SHISA6: variants seen among roughly 807,000 people sequenced by gnomAD.
The protein encoded by SHISA6 is shisa family member 6, also known as protein shisa-6.
Under a neutral mutation model 47.9 loss-of-function variants are expected in SHISA6, and 22 were observed. The observed-to-expected ratio is 0.46, with a 90% confidence interval of 0.33 to 0.66. The LOEUF is 0.66. Among genes scored for constraint, SHISA6 ranks in the 30% least tolerant of loss-of-function variants. The pLI is 0.02. For missense variants in SHISA6, 680 were observed against 764.6 expected, an observed-to-expected ratio of 0.89 and a Z score of 1.30; for synonymous variants, 388 against 337.8, an observed-to-expected ratio of 1.15 and a Z score of -1.63.
At chr17:11,243,472 C>T (rs933064167) in intron 1 of SHISA6, among the ~76,000 whole-genome samples, 1 of 152,118 alleles carries the variant, frequency 6.6e-6, no homozygotes, top group South Asian at 2.1e-4. Context: ...TGCCTCCACC[C>T]TGTCTTCCAC....
Position 11,561,140 on chromosome 17 carries a change from G to C in SHISA6, c.*2836G>C, listed in dbSNP as rs1164272747. 1 of 152,208 alleles carries C rather than the reference G, an allele frequency of 6.6e-6. No homozygotes were observed. Among genetic ancestry groups the C allele is most frequent in the Non-Finnish European group, 1.5e-5 (1 of 68,064 alleles). The allele number at this position is 152,208 out of a possible 1,614,324, so 9.4% of individuals were successfully genotyped here. ...GCAGATAAAAGAGGCTTCTGGGGCT[G>C]GAACCTAGATGCCATGATTTCTAGC... is the stretch of plus-strand genomic sequence containing the variant. On this transcript the variant is annotated 3_prime_UTR_variant, in exon 6 of 6. Transcript: ENST00000441885.
chr17:11,273,000 T>C (rs1246605660), intron 2 of SHISA6, among the ~76,000 whole-genome samples: 2 of 152,220 alleles, frequency 1.3e-5, no homozygotes, highest in Non-Finnish European at 2.9e-5. Flanking sequence ...GAGAGAGTGA[T>C]ACGGCTCCCA....
At chr17:11,422,763 CA>C (rs36035486) in intron 3 of SHISA6, among the ~76,000 whole-genome samples, 88,120 of 125,274 alleles carry the variant, frequency 0.7, 29,519 homozygotes, top group African/African-American at 0.78. Context: ...GACTCTGTCT[CA>C]AAAAAAAAAA....
intron 2 of SHISA6, among the ~76,000 whole-genome samples, chr17:11,316,349 A>G (rs1049866585): frequency 2.2e-5 from 1 of 44,640 alleles, no homozygotes; most frequent in African/African-American, 8.7e-5. Context: ...TTTTTTTTGT[A>G]TTCAATGGGA....
At position 11,541,507 on chromosome 17, in the gene SHISA6, A is replaced by G. The variant is rs116582096; in HGVS notation, c.896-10389A>G. Among the ~76,000 whole-genome samples, 729 of 152,322 alleles carry G rather than the reference A, an allele frequency of 4.8e-3. 3 individuals carry two copies. Among genetic ancestry groups the G allele is most frequent in the African/African-American group, 0.015 (616 of 41,572 alleles). On this transcript the variant is annotated intron_variant, in intron 3 of 5. Transcript: ENST00000441885. ...CTTTTTTCATTTCTGAAAATGTGTC[A>G]GTCTGGTACAACAAATAACTCCCTT...
At chr17:11,343,113 C>A (rs765609013) in intron 2 of SHISA6, among the ~76,000 whole-genome samples, 1 of 152,112 alleles carries the variant, frequency 6.6e-6, no homozygotes, top group Non-Finnish European at 1.5e-5. Context: ...CTTCTTTCCC[C>A]CTATAAGTTA....
chr17:11,246,229 G>A (rs1013457447), intron 1 of SHISA6, among the ~76,000 whole-genome samples: 3 of 152,232 alleles, frequency 2.0e-5, no homozygotes, highest in East Asian at 3.9e-4. Flanking sequence ...GGTGGCTCAC[G>A]CCTGTAATCC....
chr17:11,258,173 T>A (rs191031631), intron 1 of SHISA6, among the ~76,000 whole-genome samples: 52 of 152,304 alleles, frequency 3.4e-4, no homozygotes, highest in African/African-American at 1.2e-3. Context: ...ACAGCATCAT[T>A]TTCTTCCTAC....
Position 11,401,498 on chromosome 17 carries a change from C to T in SHISA6, c.895+21989C>T, listed in dbSNP as rs557347512. On this transcript the variant is annotated intron_variant, in intron 3 of 5. Transcript: ENST00000441885. ...ATAGGCATGAGCCACCAGCCTCAGACATGTATATATTTAACTCTGATTTTA... is the reference window on the plus strand; with the variant it reads ...ATAGGCATGAGCCACCAGCCTCAGATATGTATATATTTAACTCTGATTTTA... 3.9e-5 allele frequency among the ~76,000 whole-genome samples: 6 copies of T among 152,294 alleles called. No homozygotes were observed. The East Asian group carries it at 9.6e-4, about 24-fold the overall frequency.
At chr17:11,270,330 A>T (rs1370763974) in intron 2 of SHISA6, among the ~76,000 whole-genome samples, 1 of 152,250 alleles carries the variant, frequency 6.6e-6, no homozygotes. Flanking sequence ...CAAGTAGTGG[A>T]CAGCACAGGT....
chr17:11,376,097 G>T (rs1912788150), intron 2 of SHISA6, among the ~76,000 whole-genome samples: 1 of 152,136 alleles, frequency 6.6e-6, no homozygotes, highest in South Asian at 2.1e-4. Context: ...GTCAAAGTTT[G>T]CCCTCTTTTG....
chr17:11,470,633 T>C (rs1420981383), intron 3 of SHISA6, among the ~76,000 whole-genome samples: 1 of 134,602 alleles, frequency 7.4e-6, no homozygotes, highest in Non-Finnish European at 1.5e-5. Context: ...GAAACAAGAT[T>C]AAAAGGGACA....
chr17:11,554,570 G>A (rs564286733), intron 4 of SHISA6, among the ~76,000 whole-genome samples: 3 of 152,274 alleles, frequency 2.0e-5, no homozygotes, highest in South Asian at 2.1e-4. Flanking sequence ...ACATTCGACC[G>A]AAGTTAGAGC....
chr17:11,281,312 T>C lies in SHISA6; in HGVS notation c.799+17786T>C, dbSNP rs575999243. Among the ~76,000 whole-genome samples, 17 of 152,276 alleles carry C rather than the reference T, an allele frequency of 1.1e-4. No homozygotes were observed. The East Asian group carries it at 3.1e-3, about 28-fold the overall frequency. ...TATTTTGGAGATGCCCTTTATCAAA[T>C]AGGAAGAGTTTTCATTAATAGCTAG... On this transcript the variant is annotated intron_variant, in intron 2 of 5. Transcript: ENST00000441885.
At chr17:11,283,466 C>A (rs1909192198) in intron 2 of SHISA6, among the ~76,000 whole-genome samples, 1 of 152,188 alleles carries the variant, frequency 6.6e-6, no homozygotes, top group Non-Finnish European at 1.5e-5. Context: ...AAAGCACAGC[C>A]ACTTGTCTAC....
In SHISA6 at chr17:11,318,864, C is replaced by T. The variant is rs1238908859; in HGVS notation, c.799+55338C>T. 2.0e-5 allele frequency among the ~76,000 whole-genome samples: 3 copies of T among 151,974 alleles called. No homozygotes were observed. The East Asian group carries it at 5.8e-4, about 29-fold the overall frequency. ...TTTTTTCATTCCGTCCTTTTCTGTC[C>T]CTGCTCCTAGAATTCTCATTAGAAG... On this transcript the variant is annotated intron_variant, in intron 2 of 5. Transcript: ENST00000441885.
chr17:11,378,872 G>A (rs1206366094), intron 2 of SHISA6, among the ~76,000 whole-genome samples: 1 of 152,152 alleles, frequency 6.6e-6, no homozygotes, highest in Non-Finnish European at 1.5e-5. Flanking sequence ...GTTGTGGTAT[G>A]ATTCATAAAC....
chr17:11,555,247 G>A (rs2071966470), intron 4 of SHISA6, among the ~76,000 whole-genome samples: 1 of 152,092 alleles, frequency 6.6e-6, no homozygotes, highest in Non-Finnish European at 1.5e-5. Context: ...CATGGGTTGG[G>A]TCTCAGTGGA....
intron 2 of SHISA6, among the ~76,000 whole-genome samples, chr17:11,370,050 G>A (rs1912584831): frequency 6.6e-6 from 1 of 152,156 alleles, no homozygotes; most frequent in African/African-American, 2.4e-5. Context: ...AGCAAATAGA[G>A]GGGCGAGAAA....
Sources: gnomAD v4.1 joint callset for allele counts (sites outside exome capture counted in the v4.1 genomes callset) on GRCh38, gnomAD v4.1.1 for gene constraint, MANE v1.5 for transcripts, NCBI Gene and HGNC (gene_info 2026-07-23, HGNC 2026-07-21) for gene names.